Variants in MTMR7 observed in about 807,000 individuals in gnomAD.
MTMR7 encodes the protein phosphatidylinositol-3-phosphate phosphatase MTMR7.
A neutral mutation model predicts 81.2 loss-of-function variants in MTMR7; 76 were observed. That is an observed-to-expected ratio of 0.94 (90% CI 0.78 to 1.13). MTMR7 has a LOEUF of 1.13. Ranked by LOEUF, MTMR7 falls within the 50% of genes most tolerant of loss-of-function variation. MTMR7 has a pLI of 0.00. For synonymous variants in MTMR7, 372 were observed against 289.8 expected (o/e 1.28, Z -2.88); for missense variants, 1,044 against 820.0 (o/e 1.27, Z -3.34).
chr8:17,317,786 C>T (rs1376558522), intron 7 of MTMR7, among the ~76,000 whole-genome samples: 1 of 152,154 alleles, frequency 6.6e-6, no homozygotes, highest in East Asian at 1.9e-4. Flanking sequence ...CATACTTCCG[C>T]CATAAATTGC....
intron 9 of MTMR7, 45 bp downstream of exon 9, chr8:17,311,466 T>C: frequency 6.2e-7 from 1 of 1,612,670 alleles, no homozygotes; most frequent in Non-Finnish European, 8.5e-7. Context: ...GGTCCATTCC[T>C]GGTCAAGGCA....
At position 17,304,403 on chromosome 8, in the gene MTMR7, G is replaced by A. The variant is rs764676129; in HGVS notation, c.1469C>T (p.Thr490Ile). The A allele has an allele frequency of 3.1e-6, 5 of 1,613,836 alleles. No homozygotes were observed. In the East Asian group the frequency reaches 1.1e-4, roughly 36 times the overall value. The change falls in exon 12 of 14, where the codon ACA becomes ATA. Residue 490 changes from threonine (T) to isoleucine (I), a missense_variant. Coordinates refer to ENST00000180173, the MANE Select transcript of MTMR7 (RefSeq NM_004686.5). ...SQTQGTLHLP[T>I]TPCNFMYKFW... The stretch of plus-strand genomic sequence containing the variant: ...CTTGTACATGAAGTTACATGGTGTT[G>A]TAGGGAGATGAAGGGTTCCCTGAGT...
chr8:17,337,300 G>C (rs532660149), intron 6 of MTMR7, among the ~76,000 whole-genome samples: 2 of 151,482 alleles, frequency 1.3e-5, no homozygotes, highest in South Asian at 2.1e-4. Context: ...GGGAGATGGA[G>C]GTTGCAGTGA....
chr8:17,375,695 A>G (rs944547619), intron 1 of MTMR7, among the ~76,000 whole-genome samples: 1 of 152,212 alleles, frequency 6.6e-6, no homozygotes, highest in Admixed American at 6.5e-5. Context: ...CTGCGTCCTT[A>G]CCAAACTTTT....
At chr8:17,310,142 T>G (rs1586153823) in intron 9 of MTMR7, among the ~76,000 whole-genome samples, 1 of 151,850 alleles carries the variant, frequency 6.6e-6, no homozygotes, top group Non-Finnish European at 1.5e-5. Flanking sequence ...GGACCACAGG[T>G]GGGCTCCACC....
intron 7 of MTMR7, among the ~76,000 whole-genome samples, chr8:17,315,925 A>T (rs1818044654): frequency 6.6e-6 from 1 of 152,184 alleles, no homozygotes; most frequent in South Asian, 2.1e-4. Context: ...AGTTGAGAGG[A>T]TCACTTCAAC....
intron 5 of MTMR7, among the ~76,000 whole-genome samples, chr8:17,347,486 C>T (rs1819593162): frequency 6.6e-6 from 1 of 152,160 alleles, no homozygotes; most frequent in Non-Finnish European, 1.5e-5. Flanking sequence ...GACTGAGACC[C>T]TGCTCTACCC....
At chr8:17,399,264 T>C (rs917452042) in intron 1 of MTMR7, among the ~76,000 whole-genome samples, 1 of 152,088 alleles carries the variant, frequency 6.6e-6, no homozygotes, top group African/African-American at 2.4e-5. Flanking sequence ...CGATTCAAAA[T>C]GACAAAGAAT....
At chr8:17,362,442 C>T (rs1820087884) in intron 3 of MTMR7, among the ~76,000 whole-genome samples, 1 of 152,154 alleles carries the variant, frequency 6.6e-6, no homozygotes, top group Non-Finnish European at 1.5e-5. Flanking sequence ...GATTCTGTCG[C>T]AATTAAGTGC....
chr8:17,408,905 G>A (rs1030066011), intron 1 of MTMR7, among the ~76,000 whole-genome samples: 1 of 152,138 alleles, frequency 6.6e-6, no homozygotes, highest in African/African-American at 2.4e-5. Context: ...GGTGATGTCT[G>A]CACAATATGT....
chr8:17,324,291 G>T lies in MTMR7; in HGVS notation c.865+6859C>A, dbSNP rs568294886. On this transcript the variant is annotated intron_variant, in intron 7 of 13. Transcript: ENST00000180173. The stretch of plus-strand genomic sequence containing the variant: ...ATGAGCGTCTGCGATAAATGTCCCG[G>T]CTCCTGTGTGTTAAGTACTTACTAC... Among the ~76,000 whole-genome samples the T allele has an allele frequency of 5.3e-5, 8 of 152,244 alleles. No individual in the cohort carries two copies. In the South Asian group the frequency reaches 1.7e-3, roughly 32 times the overall value.
chr8:17,386,309 T>C (rs1434390977), intron 1 of MTMR7, among the ~76,000 whole-genome samples: 1 of 151,972 alleles, frequency 6.6e-6, no homozygotes, highest in Non-Finnish European at 1.5e-5. Flanking sequence ...GCCAGGGAGG[T>C]CAAGGCTGCA....
chr8:17,379,505 T>C (rs766097420), intron 1 of MTMR7, among the ~76,000 whole-genome samples: 2 of 152,294 alleles, frequency 1.3e-5, no homozygotes, highest in Middle Eastern at 6.8e-3. Flanking sequence ...GATTGAGAAA[T>C]ACATTTTAAA....
At chr8:17,341,533 G>A (rs754585504) in intron 5 of MTMR7, 36 bp from the exon 6 acceptor site, 5 of 1,608,878 alleles carry the variant, frequency 3.1e-6, no homozygotes, top group Non-Finnish European at 4.2e-6. Flanking sequence ...AGCACCATCA[G>A]GTAACTGTAC....
chr8:17,370,047 G>C (rs1009061744), intron 3 of MTMR7, among the ~76,000 whole-genome samples: 4 of 151,890 alleles, frequency 2.6e-5, no homozygotes, highest in African/African-American at 7.2e-5. Flanking sequence ...TAAATCCGAA[G>C]AGCCCAAGAT....
intron 12 of MTMR7, chr8:17,302,553 A>G (rs2150461763): frequency 3.3e-6 from 1 of 302,116 alleles, no homozygotes; most frequent in Admixed American, 5.0e-5. Context: ...AAAATAGTAC[A>G]TGTAACCATT....
Position 17,383,188 on chromosome 8 carries a change from G to A in MTMR7, c.25-9948C>T, listed in dbSNP as rs115886463. On this transcript the variant is annotated intron_variant, in intron 1 of 13. Coordinates refer to ENST00000180173, the MANE Select transcript of MTMR7 (RefSeq NM_004686.5). The stretch of plus-strand genomic sequence containing the variant: ...CCTTTAAACAGTGCCCACCCTCTCA[G>A]TCCCTACTTAACTAAGTGCTGATGC... Among the ~76,000 whole-genome samples, 690 of 152,218 alleles carry A rather than the reference G, an allele frequency of 4.5e-3. 7 individuals carry two copies. Among genetic ancestry groups the A allele is most frequent in the African/African-American group, 0.015 (622 of 41,538 alleles).
intron 10 of MTMR7, among the ~76,000 whole-genome samples, chr8:17,308,299 AGC>A (rs1817596289): frequency 6.6e-6 from 1 of 152,126 alleles, no homozygotes; most frequent in Non-Finnish European, 1.5e-5. Context: ...CTAACTGCCT[AGC>A]GTGTAATATT....
intron 4 of MTMR7, among the ~76,000 whole-genome samples, chr8:17,351,098 G>C (rs541275372): frequency 3.4e-4 from 52 of 152,306 alleles, no homozygotes; most frequent in African/African-American, 1.1e-3. Context: ...AGGTTCAAGA[G>C]ACATGTAGTC....
Sources: allele counts gnomAD v4.1 joint callset (sites outside exome capture counted in the v4.1 genomes callset), GRCh38; gene constraint gnomAD v4.1.1; transcripts MANE v1.5; gene names NCBI Gene and HGNC (gene_info 2026-07-23, HGNC 2026-07-21).